Variants in RPRD1B observed in about 807,000 individuals in gnomAD.
RPRD1B encodes the protein regulation of nuclear pre-mRNA domain containing 1B.
RPRD1B carries 11 observed loss-of-function variants against 41.5 expected under a neutral mutation model. The observed-to-expected ratio is 0.27, with a 90% confidence interval of 0.17 to 0.44. The LOEUF (loss-of-function observed/expected upper bound fraction) is 0.44. Ranked by LOEUF, RPRD1B falls within the 20% of genes least tolerant of loss-of-function variation. The pLI, the probability that RPRD1B is intolerant of heterozygous loss-of-function variation, is 1.00. For missense variants in RPRD1B, 248 were observed against 389.9 expected (o/e 0.64, Z 3.06); for synonymous variants, 158 against 155.6 (o/e 1.02, Z -0.12).
intron 6 of RPRD1B, among the ~76,000 whole-genome samples, chr20:38,087,365 C>T (rs144171177): frequency 6.6e-6 from 1 of 152,190 alleles, no homozygotes; most frequent in African/African-American, 2.4e-5. Flanking sequence ...GAACTTGCCA[C>T]GTTGGTCTGA....
chr20:38,040,624 C>T (rs1406483780), intron 2 of RPRD1B, 60 bp downstream of exon 2: 3 of 1,540,352 alleles, frequency 1.9e-6, no homozygotes, highest in Non-Finnish European at 1.8e-6. Context: ...CCTTTTTGTT[C>T]TTTCCTTTTC....
At position 38,048,346 on chromosome 20, in the gene RPRD1B, A is replaced by G; in HGVS notation, c.282-2A>G. 1 of 1,611,986 alleles carries G rather than the reference A, an allele frequency of 6.2e-7. No individual in the cohort carries two copies. The highest frequency in any genetic ancestry group is 8.5e-7 in the Non-Finnish European group (1 of 1,178,316). Reference sequence around the variant, plus strand: ...ATATATCTTTTCATCTTTTCTGGGCAGAGAGGCAGATGAAGGCTGTAAAAA... The same window carrying G: ...ATATATCTTTTCATCTTTTCTGGGCGGAGAGGCAGATGAAGGCTGTAAAAA... On this transcript the variant is annotated splice_acceptor_variant, in intron 2 of 6. Transcript: ENST00000373433. LOFTEE classifies it high-confidence loss of function.
chr20:38,055,934 C>A (rs1282640610), intron 3 of RPRD1B, among the ~76,000 whole-genome samples: 1 of 152,142 alleles, frequency 6.6e-6, no homozygotes, highest in Non-Finnish European at 1.5e-5. Context: ...GTTAATATGC[C>A]ATGGTAACTG....
At chr20:38,088,112 G>C (rs1019288418) in intron 6 of RPRD1B, among the ~76,000 whole-genome samples, 1 of 152,198 alleles carries the variant, frequency 6.6e-6, no homozygotes, top group Non-Finnish European at 1.5e-5. Context: ...TTTGTAGACT[G>C]TGTGAGGAGC....
chr20:38,045,863 A>G (rs1318139294), intron 2 of RPRD1B, among the ~76,000 whole-genome samples: 1 of 152,206 alleles, frequency 6.6e-6, no homozygotes, highest in Non-Finnish European at 1.5e-5. Flanking sequence ...ACTAATTATA[A>G]TGACTTTATT....
At chr20:38,067,751 G>A (rs2074371632) in intron 6 of RPRD1B, among the ~76,000 whole-genome samples, 1 of 152,222 alleles carries the variant, frequency 6.6e-6, no homozygotes, top group African/African-American at 2.4e-5. Context: ...TTTACAGGCA[G>A]TACCAGACGG....
chr20:38,033,953 C>T lies in RPRD1B; in HGVS notation c.6C>T (p.Ser2=). 6.2e-7 allele frequency: 1 copy of T among 1,610,560 alleles called. No homozygotes were observed. Among genetic ancestry groups the T allele is most frequent in the East Asian group, 2.2e-5 (1 of 44,738 alleles). The change falls in exon 1 of 7, where the codon TCC becomes TCT. Residue 2 remains serine (S), a synonymous_variant. Coordinates refer to ENST00000373433, the MANE Select transcript of RPRD1B (RefSeq NM_021215.4). ...CGGGCCTCACTGCCGCCACCATGTC[C>T]TCCTTCTCTGAGTCGGCGCTGGAGA... M[S]SFSESALEKK... is the part of the protein sequence containing the mutation.
intron 6 of RPRD1B, among the ~76,000 whole-genome samples, chr20:38,077,582 T>C (rs1210145723): frequency 6.6e-6 from 1 of 152,132 alleles, no homozygotes; most frequent in African/African-American, 2.4e-5. Context: ...CCCACCACCA[T>C]CTTCCATAGC....
intron 2 of RPRD1B, among the ~76,000 whole-genome samples, chr20:38,044,365 G>C (rs1357311125): frequency 6.8e-6 from 1 of 146,610 alleles, no homozygotes; most frequent in African/African-American, 2.6e-5. Flanking sequence ...AAATAAATCA[G>C]GTGTTCATTT....
At position 38,090,963 on chromosome 20, in the gene RPRD1B, T is replaced by A; in HGVS notation, c.*1088T>A. On this transcript the variant is annotated 3_prime_UTR_variant, in exon 7 of 7. Transcript: ENST00000373433. ...AGTACTTGCGTCAGATGTTATTGAA[T>A]AGCTCGTCTCGGGCAGGGGAAGCGG... The A allele has an allele frequency of 2.0e-6, 2 of 985,456 alleles. No homozygotes were observed. Among genetic ancestry groups the A allele is most frequent in the African/African-American group, 3.5e-5 (2 of 57,350 alleles). 61.0% of individuals were successfully genotyped at this position (985,456 alleles called of 1,614,324 possible). A position where few individuals can be genotyped will look rare whatever the true frequency, so the allele number is the denominator to read the frequency against.
rs570464159 is a variant in RPRD1B at position 38,077,403 on chromosome 20, T to C, written c.831+11147T>C. 6.6e-5 allele frequency among the ~76,000 whole-genome samples: 10 copies of C among 152,206 alleles called. No individual in the cohort carries two copies. In the South Asian group the frequency reaches 2.1e-3, roughly 32 times the overall value. On this transcript the variant is annotated intron_variant, in intron 6 of 6. Transcript: ENST00000373433. ...GTCTCCTTCCTTCTCACCTCTCCTT[T>C]CCTTCTCTTTCCTTGGCTTGGAGAG...
intron 3 of RPRD1B, among the ~76,000 whole-genome samples, chr20:38,053,280 T>A (rs2074207108): frequency 6.6e-6 from 1 of 152,204 alleles, no homozygotes; most frequent in African/African-American, 2.4e-5. Context: ...AACCTGGAAA[T>A]CCTAAGTTAT....
At chr20:38,088,569 C>T (rs1006442494) in intron 6 of RPRD1B, among the ~76,000 whole-genome samples, 2 of 152,222 alleles carry the variant, frequency 1.3e-5, no homozygotes, top group African/African-American at 2.4e-5. Flanking sequence ...AGGACAAAAA[C>T]TAAGCCCCAA....
intron 6 of RPRD1B, among the ~76,000 whole-genome samples, chr20:38,076,524 C>G (rs1301040649): frequency 6.6e-6 from 1 of 152,242 alleles, no homozygotes; most frequent in Non-Finnish European, 1.5e-5. Context: ...TGAGCATACC[C>G]TCTGCACCAC....
chr20:38,061,058 T>C (rs80080372), intron 5 of RPRD1B, among the ~76,000 whole-genome samples: 1 of 152,266 alleles, frequency 6.6e-6, no homozygotes, highest in Non-Finnish European at 1.5e-5. Flanking sequence ...TAATTTTGTT[T>C]CTCTGTTTCA....
Position 38,090,165 on chromosome 20 carries a change from C to T in RPRD1B, c.*290C>T, listed in dbSNP as rs2049240183. On this transcript the variant is annotated 3_prime_UTR_variant, in exon 7 of 7. Transcript: ENST00000373433. ...TTGGTTTTCCATTCTTAACTGTCTCCTTATACCTAAGAAGTTATGAAAATC... is the reference window on the plus strand; with the variant it reads ...TTGGTTTTCCATTCTTAACTGTCTCTTTATACCTAAGAAGTTATGAAAATC... The T allele has an allele frequency of 9.1e-7, 1 of 1,099,198 alleles. No homozygotes were observed. Among genetic ancestry groups the T allele is most frequent in the African/African-American group, 1.6e-5 (1 of 62,080 alleles). The allele number at this position is 1,099,198 out of a possible 1,614,324, so 68.1% of individuals were successfully genotyped here.
chr20:38,054,448 G>A (rs1348970490), intron 3 of RPRD1B, among the ~76,000 whole-genome samples: 2 of 152,194 alleles, frequency 1.3e-5, no homozygotes, highest in African/African-American at 4.8e-5. Flanking sequence ...TTGTAATGCT[G>A]TTCGTGAGCA....
intron 6 of RPRD1B, among the ~76,000 whole-genome samples, chr20:38,072,301 G>T (rs773284799): frequency 1.3e-5 from 2 of 152,106 alleles, no homozygotes; most frequent in Non-Finnish European, 2.9e-5. Context: ...TGAATGCCCA[G>T]CACCCTTGTC....
intron 1 of RPRD1B, among the ~76,000 whole-genome samples, chr20:38,037,778 T>C (rs936427025): frequency 1.3e-5 from 2 of 152,198 alleles, no homozygotes; most frequent in African/African-American, 4.8e-5. Context: ...TCAAGCCCCT[T>C]AGATACCTTG....
Sources: allele counts gnomAD v4.1 joint callset (sites outside exome capture counted in the v4.1 genomes callset), GRCh38; gene constraint gnomAD v4.1.1; transcripts MANE v1.5; gene names NCBI Gene and HGNC (gene_info 2026-07-23, HGNC 2026-07-21).